Variants in ZBTB24 observed in about 807,000 individuals in gnomAD.
ZBTB24 encodes the protein zinc finger and BTB domain-containing protein 24.
ZBTB24 carries 32 observed loss-of-function variants against 53.8 expected under a neutral mutation model. The observed-to-expected ratio is 0.60, with a 90% CI of 0.45 to 0.80. The LOEUF (loss-of-function observed/expected upper bound fraction) is 0.80. Ranked by LOEUF, ZBTB24 falls within the 30% of genes least tolerant of loss-of-function variation. The pLI is 0.00. For missense variants in ZBTB24, 722 were observed against 837.1 expected, an observed-to-expected ratio of 0.86 and a Z score of 1.70; for synonymous variants, 297 against 306.7, an observed-to-expected ratio of 0.97 and a Z score of 0.33.
At chr6:109,478,087 C>T (rs1292009591) in intron 2 of ZBTB24, among the ~76,000 whole-genome samples, 2 of 151,982 alleles carry the variant, frequency 1.3e-5, no homozygotes, top group East Asian at 3.9e-4. Flanking sequence ...GACAAAATAA[C>T]GAAGGAATTC....
intron 5 of ZBTB24, among the ~76,000 whole-genome samples, chr6:109,473,028 A>C (rs1284337699): frequency 6.6e-6 from 1 of 152,086 alleles, no homozygotes; most frequent in African/African-American, 2.4e-5. Flanking sequence ...ACCCTATTAC[A>C]ACCCTAAGTC....
At position 109,481,971 on chromosome 6, in the gene ZBTB24, T is replaced by C; in HGVS notation, c.56A>G (p.His19Arg). ...SGQLVVHSDAHSDTVLASFED... is the reference protein window; with the variant it reads ...SGQLVVHSDARSDTVLASFED... ...AAAACTGGCCAGCACAGTGTCACTGTGAGCGTCTGAGTGTACAACAAGCTG... is the reference window on the plus strand; with the variant it reads ...AAAACTGGCCAGCACAGTGTCACTGCGAGCGTCTGAGTGTACAACAAGCTG... Residue 19 changes from histidine (H) to arginine (R), a missense_variant, in exon 2 of 7, where the codon CAC becomes CGC. His to Arg is a conservative substitution (Grantham distance 29). Transcript: ENST00000230122. The C allele has an allele frequency of 6.2e-7, 1 of 1,614,246 alleles. No homozygotes were observed. Among genetic ancestry groups the C allele is most frequent in the Non-Finnish European group, 8.5e-7 (1 of 1,180,052 alleles).
In ZBTB24 at chr6:109,462,836, G is replaced by A. The variant is rs1392026434; in HGVS notation, c.*3015C>T. 2 of 152,138 alleles carry A rather than the reference G, an allele frequency of 1.3e-5. No homozygotes were observed. The allele number at this position is 152,138 out of a possible 1,614,324, so 9.4% of individuals were successfully genotyped here. A position where few individuals can be genotyped will look rare whatever the true frequency, so the allele number is the denominator to read the frequency against. On this transcript the variant is annotated 3_prime_UTR_variant, in exon 7 of 7. Coordinates refer to ENST00000230122, the MANE Select transcript of ZBTB24 (RefSeq NM_014797.3). ...CAAAGCATAACATTCTATTTCCTAA[G>A]AAACACACTCTATATTTCTGTTAAA...
At chr6:109,477,616 C>T (rs1032717753) in intron 2 of ZBTB24, among the ~76,000 whole-genome samples, 4 of 152,186 alleles carry the variant, frequency 2.6e-5, no homozygotes, top group African/African-American at 9.7e-5. Context: ...CTGTCCCTCC[C>T]CCAAAAGAGA....
At chr6:109,475,737 G>A (rs1776264628) in intron 4 of ZBTB24, among the ~76,000 whole-genome samples, 1 of 152,194 alleles carries the variant, frequency 6.6e-6, no homozygotes, top group Non-Finnish European at 1.5e-5. Context: ...TGGTGTGACT[G>A]AGGCCACAAA....
intron 2 of ZBTB24, 97 bp from the exon 3 acceptor site, chr6:109,477,027 G>A: frequency 6.6e-7 from 1 of 1,505,718 alleles, no homozygotes; most frequent in Non-Finnish European, 9.0e-7. Flanking sequence ...TTTCTTAAAA[G>A]GCACACATCC....
At chr6:109,478,318 TAC>T (rs766790637) in intron 2 of ZBTB24, among the ~76,000 whole-genome samples, 1 of 152,318 alleles carries the variant, frequency 6.6e-6, no homozygotes, top group Non-Finnish European at 1.5e-5. Flanking sequence ...AATGCACACT[TAC>T]AGACAGACAT....
intron 5 of ZBTB24, among the ~76,000 whole-genome samples, chr6:109,470,355 A>C (rs1313237947): frequency 6.6e-6 from 1 of 151,960 alleles, no homozygotes; most frequent in Non-Finnish European, 1.5e-5. Context: ...AAGTACTGAA[A>C]CAGCTCCAGG....
chr6:109,467,872 T>G lies in ZBTB24; in HGVS notation c.1289-138A>C, dbSNP rs1434750481. 28 of 969,240 alleles carry G rather than the reference T, an allele frequency of 2.9e-5. No individual in the cohort carries two copies. In the East Asian group the frequency reaches 7.3e-4, roughly 25 times the overall value. 60.0% of individuals were successfully genotyped at this position (969,240 alleles called of 1,614,324 possible). On this transcript the variant is annotated intron_variant, in intron 5 of 6. Transcript: ENST00000230122. The stretch of plus-strand genomic sequence containing the variant: ...ACAAAGGCAATCCCCTCCGTAAGCG[T>G]AAACGAATGATGCACTCACCAAATA...
chr6:109,474,794 T>C (rs9487123), intron 5 of ZBTB24, among the ~76,000 whole-genome samples: 2,321 of 151,828 alleles, frequency 0.015, 66 homozygotes, highest in African/African-American at 0.054. Flanking sequence ...ATCTCAGCAT[T>C]TTGGGAGGCT....
At chr6:109,482,981 C>T (rs540116468) in intron 1 of ZBTB24, 117 bp downstream of exon 1, 49 of 152,346 alleles carry the variant, frequency 3.2e-4, no homozygotes, top group African/African-American at 1.1e-3. Context: ...GAAAGACCCC[C>T]ACCTCCCCGC....
At position 109,466,586 on chromosome 6, in the gene ZBTB24, T is replaced by C; in HGVS notation, c.1371-12A>G. 1 of 1,606,314 alleles carries C rather than the reference T, an allele frequency of 6.2e-7. No homozygotes were observed. The highest frequency in any genetic ancestry group is 2.2e-5 in the East Asian group (1 of 44,880). The stretch of plus-strand genomic sequence containing the variant: ...ATGGCTTTTCTCCTCTGTAAGAAAA[T>C]AAACATTTTATTTTTAAAATGGAAA... On this transcript the variant is annotated splice_polypyrimidine_tract_variant and intron_variant, in intron 6 of 6. Transcript: ENST00000230122.
intron 1 of ZBTB24, among the ~76,000 whole-genome samples, 196 bp downstream of exon 1, chr6:109,482,902 C>T (rs533949636): frequency 3.7e-4 from 57 of 152,352 alleles, no homozygotes; most frequent in Middle Eastern, 3.4e-3. Flanking sequence ...CGTGGGGCCG[C>T]CAGACACACT....
chr6:109,469,807 G>A (rs192369306), intron 5 of ZBTB24, among the ~76,000 whole-genome samples: 8 of 152,300 alleles, frequency 5.3e-5, no homozygotes, highest in Admixed American at 1.3e-4. Flanking sequence ...GATCTGGCTA[G>A]ACTGGAAAGA....
At position 109,466,190 on chromosome 6, in the gene ZBTB24, A is replaced by G. The variant is rs577099858; in HGVS notation, c.1755T>C (p.Thr585=). The G allele has an allele frequency of 6.2e-6, 10 of 1,614,112 alleles. No homozygotes were observed. The highest frequency in any genetic ancestry group is 8.5e-6 in the Non-Finnish European group (10 of 1,180,046). The change falls in exon 7 of 7, where the codon ACT becomes ACC. Residue 585 remains threonine (T), a synonymous_variant. Coordinates refer to ENST00000230122, the MANE Select transcript of ZBTB24 (RefSeq NM_014797.3). ...GGGTAAGATTAGCAGCCTGGTCTGC[A>G]GTCATGTTTTGGGAACTCTCTGCAG... ...IVTAESSQNM[T]ADQAANLTLL...
At chr6:109,470,864 A>T (rs1776151091) in intron 5 of ZBTB24, among the ~76,000 whole-genome samples, 1 of 152,198 alleles carries the variant, frequency 6.6e-6, no homozygotes, top group Non-Finnish European at 1.5e-5. Context: ...GAGGTCATCC[A>T]ATGCATGCCG....
At chr6:109,471,910 C>G (rs1266590325) in intron 5 of ZBTB24, among the ~76,000 whole-genome samples, 1 of 152,156 alleles carries the variant, frequency 6.6e-6, no homozygotes, top group Non-Finnish European at 1.5e-5. Flanking sequence ...CTGGCAGGTA[C>G]TGCTTGTCTG....
chr6:109,469,683 AC>A (rs1479018894), intron 5 of ZBTB24, among the ~76,000 whole-genome samples: 3 of 152,226 alleles, frequency 2.0e-5, no homozygotes, highest in African/African-American at 7.2e-5. Flanking sequence ...TTTCTAATCT[AC>A]TTGAGGAGAT....
intron 1 of ZBTB24, among the ~76,000 whole-genome samples, 188 bp from the exon 2 acceptor site, chr6:109,482,242 G>A: frequency 6.6e-6 from 1 of 152,192 alleles, no homozygotes. Context: ...CACTTTGGGA[G>A]GCCGAGGCCG....
Sources: allele counts gnomAD v4.1 joint callset (sites outside exome capture counted in the v4.1 genomes callset), GRCh38; gene constraint gnomAD v4.1.1; transcripts MANE v1.5; gene names NCBI Gene and HGNC (gene_info 2026-07-23, HGNC 2026-07-21).